The following BPIFB4 variants were observed in gnomAD, a reference collection of about 807,000 sequenced individuals.
The protein encoded by BPIFB4 is BPI fold containing family B member 4, also known as BPI fold-containing family B member 4.
BPIFB4 carries 62 observed loss-of-function variants against 69.2 expected under a neutral mutation model. The ratio of observed to expected loss-of-function variants is 0.90; its 90% confidence interval spans 0.73 to 1.11. BPIFB4 has a LOEUF of 1.11. BPIFB4 is among the 50% of genes least tolerant of loss of function. The pLI, the probability that BPIFB4 is intolerant of heterozygous loss-of-function variation, is 0.00. For synonymous variants in BPIFB4, 330 were observed against 332.7 expected, an observed-to-expected ratio of 0.99 and a Z score of 0.09; for missense variants, 789 against 792.0, an observed-to-expected ratio of 1.00 and a Z score of 0.04.
At chr20:33,102,404 C>T (rs1012987704) in intron 14 of BPIFB4, among the ~76,000 whole-genome samples, 3 of 152,246 alleles carry the variant, frequency 2.0e-5, no homozygotes, top group Non-Finnish European at 4.4e-5. Flanking sequence ...TGCAGCAAGA[C>T]GGAGGCCCTT....
intron 9 of BPIFB4, 85 bp from the exon 10 acceptor site, chr20:33,090,623 T>G (rs1041712770): frequency 6.3e-7 from 1 of 1,580,020 alleles, no homozygotes; most frequent in Non-Finnish European, 8.6e-7. Flanking sequence ...GGGCCTACCT[T>G]GTCCATCCCC....
Position 33,090,495 on chromosome 20 carries a change from G to A in BPIFB4, c.1052-213G>A, listed in dbSNP as rs183362791. ...ACAGTAAACCCATTTTACAGAGGAGGCAACTGAGGTTCAAAGAAGTGCAAT... is the reference window on the plus strand; with the variant it reads ...ACAGTAAACCCATTTTACAGAGGAGACAACTGAGGTTCAAAGAAGTGCAAT... On this transcript the variant is annotated intron_variant, in intron 9 of 17. Coordinates refer to ENST00000375483, the MANE Select transcript of BPIFB4 (RefSeq NM_182519.3). Among the ~76,000 whole-genome samples the A allele has an allele frequency of 9.5e-4, 145 of 152,332 alleles. No homozygotes were observed. The Middle Eastern group carries it at 0.01, about 11-fold the overall frequency.
chr20:33,083,686 T>C lies in BPIFB4; in HGVS notation c.489T>C (p.Thr163=), dbSNP rs761006199. ...QPGEIPPGVA[T]GAVGPGGLLG... is the part of the protein sequence containing the mutation. ...GAGAAATCCCACCTGGAGTTGCCAC[T>C]GGGGCGGTGGGCCCAGGTGGTTTGC... The change falls in exon 5 of 18, where the codon ACT becomes ACC. Residue 163 remains threonine, a synonymous_variant. Coordinates refer to ENST00000375483, the MANE Select transcript of BPIFB4 (RefSeq NM_182519.3). 1 of 1,613,984 alleles carries C rather than the reference T, an allele frequency of 6.2e-7. No individual in the cohort carries two copies. The highest frequency in any genetic ancestry group is 1.1e-5 in the South Asian group (1 of 91,064).
chr20:33,098,115 G>A (rs1600560370), intron 13 of BPIFB4, among the ~76,000 whole-genome samples: 1 of 152,206 alleles, frequency 6.6e-6, no homozygotes, highest in African/African-American at 2.4e-5. Flanking sequence ...ATGACTGAAT[G>A]AAATTAAGAC....
chr20:33,085,797 T>C (rs1266555672), intron 6 of BPIFB4, among the ~76,000 whole-genome samples: 2 of 152,178 alleles, frequency 1.3e-5, no homozygotes, highest in Non-Finnish European at 2.9e-5. Context: ...AACCAGAATG[T>C]GTGCTGAGCC....
At chr20:33,093,076 C>T (rs752688374) in intron 11 of BPIFB4, among the ~76,000 whole-genome samples, 2 of 152,164 alleles carry the variant, frequency 1.3e-5, no homozygotes, top group Admixed American at 6.5e-5. Flanking sequence ...TCTTTCCAAA[C>T]TTTTTCTTTT....
chr20:33,087,753 C>CACACACACACACACACACAA (rs56030970), intron 7 of BPIFB4, among the ~76,000 whole-genome samples: 3,247 of 140,778 alleles, frequency 0.023, 126 homozygotes, highest in African/African-American at 0.046. Flanking sequence ...CACACACACA[C>CACACACACACACACACACAA]AAGCATGCAT....
chr20:33,084,204 T>C (rs1167793226), intron 5 of BPIFB4, among the ~76,000 whole-genome samples: 2 of 152,216 alleles, frequency 1.3e-5, no homozygotes, highest in Non-Finnish European at 2.9e-5. Context: ...TTAAAAACTA[T>C]ACATATATAT....
chr20:33,100,202 C>T (rs945332997), intron 13 of BPIFB4, among the ~76,000 whole-genome samples: 3 of 152,108 alleles, frequency 2.0e-5, no homozygotes, highest in Non-Finnish European at 4.4e-5. Flanking sequence ...CTTATTATTC[C>T]GAACTCCTTC....
At chr20:33,083,301 G>T (rs1252391155) in intron 4 of BPIFB4, 66 bp from the exon 5 acceptor site, 1 of 1,528,354 alleles carries the variant, frequency 6.5e-7, no homozygotes, top group Non-Finnish European at 8.9e-7. Context: ...GGTGGCAGTG[G>T]TGGTGGTCTT....
rs1245709568 is a variant in BPIFB4 at position 33,088,912 on chromosome 20, G to C, written c.927-54G>C. ...AGTGACCCACAGGGTGGACAGCCTT[G>C]GTGAGCCCCACATGGCTGCGAGCCT... On this transcript the variant is annotated intron_variant, in intron 7 of 17. Coordinates refer to ENST00000375483, the MANE Select transcript of BPIFB4 (RefSeq NM_182519.3). 6 of 1,611,122 alleles carry C rather than the reference G, an allele frequency of 3.7e-6. No homozygotes were observed. In the East Asian group the frequency reaches 1.1e-4, roughly 30 times the overall value.
intron 13 of BPIFB4, among the ~76,000 whole-genome samples, chr20:33,099,916 G>A (rs780189714): frequency 1.7e-5 from 2 of 119,748 alleles, no homozygotes; most frequent in African/African-American, 3.0e-5. Flanking sequence ...CTACAAAAAG[G>A]CCTCTACTTG....
rs199704336 is a variant in BPIFB4, at chr20:33,084,886, G to T, written c.678-6G>T. On this transcript the variant is annotated splice_polypyrimidine_tract_variant and splice_region_variant and intron_variant, in intron 5 of 17. Coordinates refer to ENST00000375483, the MANE Select transcript of BPIFB4 (RefSeq NM_182519.3). Reference sequence around the variant, plus strand: ...CGGCCTTCTCACCACTCTGTGTCCCGAGCAGGCTGCGTATCGTGGAGCTGA... The same window carrying T: ...CGGCCTTCTCACCACTCTGTGTCCCTAGCAGGCTGCGTATCGTGGAGCTGA... The T allele has an allele frequency of 1.2e-6, 2 of 1,605,262 alleles. No individual in the cohort carries two copies. Among genetic ancestry groups the T allele is most frequent in the South Asian group, 1.1e-5 (1 of 90,940 alleles).
chr20:33,089,391 G>C (rs1981529628), intron 8 of BPIFB4, 107 bp from the exon 9 acceptor site: 2 of 1,555,382 alleles, frequency 1.3e-6, no homozygotes, highest in Admixed American at 1.7e-5. Flanking sequence ...GCCTGGCACA[G>C]AGCAAGCAGT....
intron 17 of BPIFB4, among the ~76,000 whole-genome samples, chr20:33,109,396 G>A (rs986119894): frequency 2.0e-5 from 3 of 152,030 alleles, no homozygotes; most frequent in Non-Finnish European, 4.4e-5. Flanking sequence ...TCATGGACTT[G>A]GCCATCAACA....
chr20:33,084,986 A>G lies in BPIFB4; in HGVS notation c.772A>G (p.Asn258Asp), dbSNP rs761482910. 1 of 1,611,988 alleles carries G rather than the reference A, an allele frequency of 6.2e-7. No individual in the cohort carries two copies. Among genetic ancestry groups the G allele is most frequent in the South Asian group, 1.1e-5 (1 of 91,018 alleles). ...YLSLYTRVAI[N>D]GKSLIGFLDI... ...GAGCTTGTACACCCGTGTGGCCATC[A>G]ACGGGAAGAGGTGCGTGCCCTTGGC... The change falls in exon 6 of 18, where the codon AAC becomes GAC. Residue 258 changes from asparagine to aspartate, a missense_variant. Asn to Asp is a conservative substitution (Grantham distance 23). Transcript: ENST00000375483.
At chr20:33,089,145 C>T (rs1981522749) in intron 8 of BPIFB4, 116 bp downstream of exon 8, 2 of 1,507,644 alleles carry the variant, frequency 1.3e-6, no homozygotes, top group Non-Finnish European at 9.1e-7. Flanking sequence ...CAGAGAGAGC[C>T]AAGGCCTGGG....
intron 16 of BPIFB4, among the ~76,000 whole-genome samples, chr20:33,107,064 C>T (rs754345930): frequency 2.0e-5 from 3 of 151,802 alleles, no homozygotes; most frequent in Non-Finnish European, 2.9e-5. Flanking sequence ...ATTAGCTGGG[C>T]GTGGTGGCGC....
intron 11 of BPIFB4, among the ~76,000 whole-genome samples, chr20:33,094,488 T>C (rs995321058): frequency 2.7e-5 from 4 of 149,200 alleles, no homozygotes; most frequent in Non-Finnish European, 4.4e-5. Flanking sequence ...ATGACATTTG[T>C]TTCTTTTCTT....
Sources: gnomAD v4.1 joint callset for allele counts (sites outside exome capture counted in the v4.1 genomes callset) on GRCh38, gnomAD v4.1.1 for gene constraint, MANE v1.5 for transcripts, NCBI Gene and HGNC (gene_info 2026-07-23, HGNC 2026-07-21) for gene names.